CES5A: variants seen among roughly 807,000 people sequenced by gnomAD.
The protein encoded by CES5A is carboxylesterase 5.
CES5A carries 67 observed loss-of-function variants against 62.9 expected under a neutral mutation model. The ratio of observed to expected loss-of-function variants is 1.07; its 90% CI spans 0.88 to 1.31. The LOEUF is 1.31. CES5A is among the 50% of genes most tolerant of loss of function. The probability of loss-of-function intolerance (pLI) is 0.00; values close to 1 mark genes in which losing one functional copy is unlikely to be tolerated. For synonymous variants in CES5A, 296 were observed against 280.8 expected, an observed-to-expected ratio of 1.05 and a Z score of -0.54; for missense variants, 748 against 708.5, an observed-to-expected ratio of 1.06 and a Z score of -0.63.
At chr16:55,865,052 CA>C (rs35994171) in intron 5 of CES5A, among the ~76,000 whole-genome samples, 1 of 142,338 alleles carries the variant, frequency 7.0e-6, no homozygotes, top group East Asian at 2.1e-4. Context: ...ACTAAAAATA[CA>C]AAATTAGCTG....
chr16:55,945,571 G>A (rs935993762), intron 2 of CES5A, among the ~76,000 whole-genome samples: 1 of 152,186 alleles, frequency 6.6e-6, no homozygotes, highest in Non-Finnish European at 1.5e-5. Flanking sequence ...GGGGACTAAC[G>A]CTAACCTCTA....
intron 1 of CES5A, among the ~76,000 whole-genome samples, chr16:55,894,954 A>C (rs548740372): frequency 6.6e-6 from 1 of 152,338 alleles, no homozygotes; most frequent in African/African-American, 2.4e-5. Context: ...AGTTACTTTA[A>C]GGGATAAGAG....
upstream of CES5A, among the ~76,000 whole-genome samples, chr16:55,927,161 C>T (rs1439746114): frequency 2.0e-5 from 3 of 152,010 alleles, no homozygotes; most frequent in African/African-American, 7.2e-5. Flanking sequence ...CCAGAAAAAT[C>T]TGAGAAGAAA....
intron 1 of CES5A, among the ~76,000 whole-genome samples, chr16:55,915,683 C>T (rs1240103687): frequency 6.6e-6 from 1 of 152,140 alleles, no homozygotes; most frequent in African/African-American, 2.4e-5. Flanking sequence ...TTGGGCCCTC[C>T]TTCTCTCTCT....
At chr16:55,955,016 T>C (rs1398905649) in intron 1 of CES5A, among the ~76,000 whole-genome samples, 1 of 152,174 alleles carries the variant, frequency 6.6e-6, no homozygotes, top group Non-Finnish European at 1.5e-5. Context: ...TCCTCCAAAG[T>C]TGCTTCCAAC....
intron 4 of CES5A, among the ~76,000 whole-genome samples, chr16:55,868,491 C>T (rs1235427030): frequency 6.6e-6 from 1 of 152,180 alleles, no homozygotes; most frequent in African/African-American, 2.4e-5. Flanking sequence ...CAATGTCACC[C>T]CTCTCTGAAG....
chr16:55,853,231 T>A (rs2142386499), intron 9 of CES5A, among the ~76,000 whole-genome samples: 1 of 152,264 alleles, frequency 6.6e-6, no homozygotes, highest in South Asian at 2.1e-4. Flanking sequence ...AGTGGTTGGG[T>A]CCAACTGGAA....
chr16:55,940,169 G>A (rs1447854978), intron 2 of CES5A, among the ~76,000 whole-genome samples: 1 of 151,984 alleles, frequency 6.6e-6, no homozygotes, highest in Non-Finnish European at 1.5e-5. Flanking sequence ...AAAGTAACCA[G>A]GAGAAAGAAA....
At chr16:55,885,112 T>C (rs1027587138) in intron 1 of CES5A, among the ~76,000 whole-genome samples, 2 of 152,202 alleles carry the variant, frequency 1.3e-5, no homozygotes, top group Admixed American at 1.3e-4. Flanking sequence ...AGCTTAGCCA[T>C]ACCTGGCCTA....
chr16:55,917,080 G>A (rs560608495), intron 1 of CES5A, among the ~76,000 whole-genome samples: 1 of 152,070 alleles, frequency 6.6e-6, no homozygotes, highest in African/African-American at 2.4e-5. Flanking sequence ...TTGAAGGCAG[G>A]CAACCCCCAA....
chr16:55,887,382 CAA>C (rs202239600), intron 1 of CES5A, among the ~76,000 whole-genome samples: 81 of 91,112 alleles, frequency 8.9e-4, no homozygotes, highest in Admixed American at 1.6e-3. Flanking sequence ...GGACCAGAGG[CAA>C]AAAAAAAAAA....
At chr16:55,847,773 T>C (rs1024271490) in intron 11 of CES5A, among the ~76,000 whole-genome samples, 2 of 152,230 alleles carry the variant, frequency 1.3e-5, no homozygotes, top group Non-Finnish European at 2.9e-5. Flanking sequence ...ATATAATGTA[T>C]ATGTCATATT....
intron 5 of CES5A, among the ~76,000 whole-genome samples, chr16:55,863,666 T>A (rs574902211): frequency 6.6e-6 from 1 of 152,336 alleles, no homozygotes; most frequent in African/African-American, 2.4e-5. Context: ...TGGACTTTGA[T>A]GTCAAATGTT....
chr16:55,872,608 C>T (rs145150223), intron 2 of CES5A, among the ~76,000 whole-genome samples: 177 of 152,316 alleles, frequency 1.2e-3, no homozygotes, highest in African/African-American at 3.9e-3. Flanking sequence ...ATACTGTGTA[C>T]GCAATCAATT....
chr16:55,866,658 TAAAAA>T (rs369679801), intron 4 of CES5A, among the ~76,000 whole-genome samples: 24 of 82,824 alleles, frequency 2.9e-4, no homozygotes, highest in Admixed American at 2.3e-3. Context: ...CTGTCTCTGC[TAAAAA>T]AAAAAAAAAA....
At chr16:55,910,456 C>A (rs116320911) in intron 1 of CES5A, among the ~76,000 whole-genome samples, 1 of 152,154 alleles carries the variant, frequency 6.6e-6, no homozygotes. Flanking sequence ...TTCCTGAGGG[C>A]CTGTGCCACT....
intron 1 of CES5A, among the ~76,000 whole-genome samples, chr16:55,950,398 G>A (rs2034541962): frequency 6.6e-6 from 1 of 152,170 alleles, no homozygotes; most frequent in African/African-American, 2.4e-5. Flanking sequence ...TCTCATGCAA[G>A]GGAATGTAGC....
At chr16:55,943,541 C>T (rs1051527994) in intron 2 of CES5A, among the ~76,000 whole-genome samples, 1 of 152,198 alleles carries the variant, frequency 6.6e-6, no homozygotes, top group African/African-American at 2.4e-5. Flanking sequence ...CTTTTGCATA[C>T]CAAAATTCTG....
intron 4 of CES5A, among the ~76,000 whole-genome samples, chr16:55,867,042 T>C (rs1488103331): frequency 6.6e-6 from 1 of 152,060 alleles, no homozygotes; most frequent in Non-Finnish European, 1.5e-5. Context: ...AGCTGACCTC[T>C]AGGAATGACA....
Sources: gnomAD v4.1 joint callset for allele counts (sites outside exome capture counted in the v4.1 genomes callset) on GRCh38, gnomAD v4.1.1 for gene constraint, MANE v1.5 for transcripts, NCBI Gene and HGNC (gene_info 2026-07-23, HGNC 2026-07-21) for gene names.